Variants in KRIT1 observed in about 807,000 individuals in gnomAD.
KRIT1 encodes the protein KRIT1 ankyrin repeat containing.
KRIT1 carries 45 observed loss-of-function variants against 95.8 expected under a neutral mutation model. That is an observed-to-expected ratio of 0.47 (90% CI 0.37 to 0.60). The LOEUF (loss-of-function observed/expected upper bound fraction) is 0.60, where lower values mean the gene tolerates loss of function less well. Among genes scored for constraint, KRIT1 ranks in the 20% least tolerant of loss-of-function variants. KRIT1 has a pLI of 0.00. For missense variants in KRIT1, 788 were observed against 877.5 expected (o/e 0.90, Z 1.29); for synonymous variants, 282 against 278.8 (o/e 1.01, Z -0.11).
At chr7:92,201,589 G>A (rs1790158306) in intron 17 of KRIT1, 166 bp from the exon 18 acceptor site, 1 of 591,606 alleles carries the variant, frequency 1.7e-6, no homozygotes, top group South Asian at 1.9e-5. Context: ...AGAATGTGCA[G>A]TTTTGTTACA....
At position 92,226,688 on chromosome 7, in the gene KRIT1, TA is replaced by T; in HGVS notation, c.990-7del. 6.2e-7 allele frequency: 1 copy of T among 1,612,032 alleles called. No homozygotes were observed. The highest frequency in any genetic ancestry group is 1.1e-5 in the South Asian group (1 of 90,654). On this transcript the variant is annotated splice_region_variant and splice_polypyrimidine_tract_variant and intron_variant, in intron 10 of 18. Coordinates refer to ENST00000394505, the MANE Select transcript of KRIT1 (RefSeq NM_194454.3). ...TGGCCTCAACTTTTCCATACCTGTA[TA>T]AAAAAACAAACAAACAAAAAACAAC...
chr7:92,242,318 G>C (rs924425104), intron 3 of KRIT1, among the ~76,000 whole-genome samples, 181 bp from the exon 4 acceptor site: 3 of 152,062 alleles, frequency 2.0e-5, no homozygotes, highest in Admixed American at 2.0e-4. Context: ...GGCAAGCCAG[G>C]AATGACTTTG....
At position 92,225,354 on chromosome 7, in the gene KRIT1, C is replaced by T. The variant is rs149600969; in HGVS notation, c.1254+366G>A. On this transcript the variant is annotated intron_variant, in intron 12 of 18. Transcript: ENST00000394505. ...ATGAAGTCTTGCTCCGTCGCCAAGG[C>T]TGGAGTACAGTGGCACAATCTTGGC... 7.0e-3 allele frequency among the ~76,000 whole-genome samples: 1,064 copies of T among 152,230 alleles called. 16 individuals carry two copies. The highest frequency in any genetic ancestry group is 0.024 in the African/African-American group (1,009 of 41,530).
At position 92,235,280 on chromosome 7, in the gene KRIT1, G is replaced by A. The variant is rs373957543; in HGVS notation, c.729+123C>T. On this transcript the variant is annotated intron_variant, in intron 8 of 18. Transcript: ENST00000394505. The stretch of plus-strand genomic sequence containing the variant: ...CTCCCAAAGTGCTGGGATTACAGGC[G>A]TGAGCCACTGTACCAGGCCTTCATG... 3.2e-5 allele frequency: 32 copies of A among 994,086 alleles called. 1 individual carries two copies. The highest frequency in any genetic ancestry group is 1.8e-4 in the East Asian group (7 of 38,354). The allele number at this position is 994,086 out of a possible 1,614,324, so 61.6% of individuals were successfully genotyped here.
intron 17 of KRIT1, among the ~76,000 whole-genome samples, chr7:92,211,522 T>A (rs180684746): frequency 6.6e-6 from 1 of 151,760 alleles, no homozygotes; most frequent in Non-Finnish European, 1.5e-5. Flanking sequence ...TAGGGTAGGG[T>A]AGGAATAAGG....
intron 17 of KRIT1, chr7:92,204,047 G>A (rs774299565): frequency 1.3e-5 from 2 of 151,926 alleles, no homozygotes; most frequent in Non-Finnish European, 2.9e-5. Context: ...TTGTTGCCCA[G>A]ACCAGGAGTT....
chr7:92,226,331 CA>C (rs1025983395), intron 11 of KRIT1, among the ~76,000 whole-genome samples, 194 bp downstream of exon 11: 3 of 151,888 alleles, frequency 2.0e-5, no homozygotes, highest in Non-Finnish European at 4.4e-5. Context: ...AAAATATGTT[CA>C]AAAGCACAAC....
intron 14 of KRIT1, among the ~76,000 whole-genome samples, chr7:92,219,155 C>T (rs553799081): frequency 7.5e-4 from 114 of 152,140 alleles, no homozygotes; most frequent in Non-Finnish European, 1.3e-3. Flanking sequence ...GGTGTACCAC[C>T]ATGGCTGGCT....
At chr7:92,204,049 C>T (rs1369259609) in intron 17 of KRIT1, 1 of 151,700 alleles carries the variant, frequency 6.6e-6, no homozygotes, top group East Asian at 2.0e-4. Flanking sequence ...GTTGCCCAGA[C>T]CAGGAGTTTG....
intron 17 of KRIT1, among the ~76,000 whole-genome samples, chr7:92,208,179 T>C (rs899326243): frequency 2.6e-5 from 4 of 151,922 alleles, no homozygotes; most frequent in African/African-American, 7.2e-5. Context: ...AAACACCATA[T>C]ACCAAAACCT....
intron 2 of KRIT1, among the ~76,000 whole-genome samples, chr7:92,244,572 A>T (rs1190998476): frequency 2.0e-5 from 3 of 152,244 alleles, no homozygotes; most frequent in Non-Finnish European, 4.4e-5. Flanking sequence ...TTCCAGTGAC[A>T]TGAAAGAAGG....
At chr7:92,222,520 CA>C (rs1795344543) in intron 13 of KRIT1, among the ~76,000 whole-genome samples, 2 of 151,884 alleles carry the variant, frequency 1.3e-5, no homozygotes, top group African/African-American at 4.8e-5. Flanking sequence ...AAAATGAACA[CA>C]AAAAATAAAG....
chr7:92,202,687 A>G (rs1175127115), intron 17 of KRIT1, among the ~76,000 whole-genome samples: 1 of 152,212 alleles, frequency 6.6e-6, no homozygotes, highest in Non-Finnish European at 1.5e-5. Context: ...AGGTCACGCT[A>G]CTGCACTCCT....
chr7:92,242,113 T>C lies in KRIT1; in HGVS notation c.23A>G (p.Glu8Gly). 1 of 1,596,234 alleles carries C rather than the reference T, an allele frequency of 6.3e-7. No homozygotes were observed. Among genetic ancestry groups the C allele is most frequent in the South Asian group, 1.1e-5 (1 of 90,610 alleles). The change falls in exon 4 of 19, where the codon GAA becomes GGA. Residue 8 changes from glutamate (E) to glycine (G), a missense_variant. Glu to Gly is a moderately conservative substitution (Grantham distance 98, BLOSUM62 -2). Coordinates refer to ENST00000394505, the MANE Select transcript of KRIT1 (RefSeq NM_194454.3). MGNPENIEDAYVAVIRPK... is the reference protein window; with the variant it reads MGNPENIGDAYVAVIRPK... ...ACGAATAACAGCAACATATGCATCT[T>C]CTATGTTTTCTGGATTTCCCATTGC... is the stretch of plus-strand genomic sequence containing the variant.
upstream of KRIT1, chr7:92,245,944 A>T (rs745344627): frequency 2.3e-4 from 57 of 246,536 alleles, no homozygotes; most frequent in Non-Finnish European, 3.7e-4. Context: ...CACCCTTTGC[A>T]GCCTCGCGGT....
At chr7:92,201,697 C>G (rs185289442) in intron 17 of KRIT1, 11 of 358,566 alleles carry the variant, frequency 3.1e-5, no homozygotes, top group Admixed American at 2.8e-4. Context: ...CCCCCTACCC[C>G]CTGAGAGACC....
chr7:92,242,182 C>CATTTGATG (rs764632243), intron 3 of KRIT1, 45 bp from the exon 4 acceptor site: 10 of 1,034,144 alleles, frequency 9.7e-6, no homozygotes, highest in Non-Finnish European at 1.5e-5. Context: ...TTAAATGACA[C>CATTTGATG]ATTTGATGGC....
chr7:92,229,581 G>C (rs1219468642), intron 10 of KRIT1, among the ~76,000 whole-genome samples: 1 of 152,036 alleles, frequency 6.6e-6, no homozygotes, highest in African/African-American at 2.4e-5. Flanking sequence ...GCAAATCAAA[G>C]CCACAATATT....
rs778621203 is a variant in KRIT1, at chr7:92,235,609, G to A, written c.523C>T (p.Pro175Ser). The A allele has an allele frequency of 6.2e-7, 1 of 1,613,740 alleles. No individual in the cohort carries two copies. The highest frequency in any genetic ancestry group is 2.2e-5 in the East Asian group (1 of 44,826). The change falls in exon 8 of 19, where the codon CCA becomes TCA. Residue 175 changes from proline to serine, a missense_variant. Around this residue, in one of 3 missense-constraint regions of KRIT1, gnomAD observed 289 missense variants for 277.5 expected, o/e 1.04. Transcript: ENST00000394505. ...AGAGGAGAAGGTCGGAATAAAGCTGGAATAAAGTGAGATTGTGCATGACGT... is the reference window on the plus strand; with the variant it reads ...AGAGGAGAAGGTCGGAATAAAGCTGAAATAAAGTGAGATTGTGCATGACGT... ...DERHAQSHFI[P>S]ALFRPSPLER...
Sources: gnomAD v4.1 joint callset for allele counts (sites outside exome capture counted in the v4.1 genomes callset) on GRCh38, gnomAD v4.1.1 for gene constraint, gnomAD v4.1.1 regional missense constraint, MANE v1.5 for transcripts, NCBI Gene and HGNC (gene_info 2026-07-23, HGNC 2026-07-21) for gene names.